LRBA: variants seen among roughly 807,000 people sequenced by gnomAD.
LRBA encodes LPS responsive beige-like anchor protein.
A neutral mutation model predicts 330.0 loss-of-function variants in LRBA; 176 were observed. The observed-to-expected ratio is 0.53, with a 90% CI of 0.47 to 0.60. LRBA has a LOEUF of 0.60. Ranked by LOEUF, LRBA falls within the 20% of genes least tolerant of loss-of-function variation. LRBA has a pLI of 0.00. For missense variants in LRBA, 3,259 were observed against 3,444.8 expected, an observed-to-expected ratio of 0.95 and a Z score of 1.35; for synonymous variants, 1,230 against 1,193.0, an observed-to-expected ratio of 1.03 and a Z score of -0.64.
At chr4:150,832,947 T>G (rs1362835630) in intron 28 of LRBA, among the ~76,000 whole-genome samples, 1 of 152,038 alleles carries the variant, frequency 6.6e-6, no homozygotes, top group Non-Finnish European at 1.5e-5. Flanking sequence ...TTTTTGTTTT[T>G]TAATTTCTTG....
chr4:150,713,323 A>G (rs1020681347), intron 36 of LRBA, among the ~76,000 whole-genome samples: 1 of 152,208 alleles, frequency 6.6e-6, no homozygotes, highest in Non-Finnish European at 1.5e-5. Context: ...TCAGTTCATC[A>G]GCCATTGTCA....
chr4:150,347,386 CT>C (rs2127042105), intron 48 of LRBA, among the ~76,000 whole-genome samples: 1 of 152,300 alleles, frequency 6.6e-6, no homozygotes, highest in Non-Finnish European at 1.5e-5. Flanking sequence ...TGGCTCAGGT[CT>C]GTAATCCCAG....
chr4:150,558,851 A>C (rs1271058454), intron 40 of LRBA, among the ~76,000 whole-genome samples: 1 of 152,190 alleles, frequency 6.6e-6, no homozygotes, highest in Non-Finnish European at 1.5e-5. Context: ...CACATGATTT[A>C]TTCTAGCCTT....
In LRBA at chr4:150,390,250, G is replaced by C. The variant is rs115088117; in HGVS notation, c.7194+25188C>G. Among the ~76,000 whole-genome samples, 1,004 of 152,224 alleles carry C rather than the reference G, an allele frequency of 6.6e-3. 13 individuals carry two copies. The highest frequency in any genetic ancestry group is 0.023 in the African/African-American group (938 of 41,536). ...TCTTCTTGAAAAGTACAGAACCAGA[G>C]AATACACTTTTCCAGCCTAAGCCAT... is the stretch of plus-strand genomic sequence containing the variant. On this transcript the variant is annotated intron_variant, in intron 47 of 56. Transcript: ENST00000651943.
rs1342847319 is a variant in LRBA at position 150,957,768 on chromosome 4, G to A, written c.217-28703C>T. Among the ~76,000 whole-genome samples, 4 of 149,120 alleles carry A rather than the reference G, an allele frequency of 2.7e-5. 1 individual carries two copies. Among genetic ancestry groups the A allele is most frequent in the African/African-American group, 1.0e-4 (4 of 38,554 alleles). On this transcript the variant is annotated intron_variant, in intron 2 of 56. Transcript: ENST00000651943. ...GGGTAAATACACTCATTCCAAATAGGAGAAATTGGCCAAAACAAAGGGGCT... is the reference window on the plus strand; with the variant it reads ...GGGTAAATACACTCATTCCAAATAGAAGAAATTGGCCAAAACAAAGGGGCT...
At chr4:150,468,296 C>A (rs567704848) in intron 43 of LRBA, among the ~76,000 whole-genome samples, 1 of 152,090 alleles carries the variant, frequency 6.6e-6, no homozygotes, top group African/African-American at 2.4e-5. Flanking sequence ...GAGGGCATTG[C>A]ACTAAATAAT....
chr4:150,647,352 C>CT (rs769403201), intron 37 of LRBA, among the ~76,000 whole-genome samples: 10,696 of 79,766 alleles, frequency 0.13, 1,511 homozygotes, highest in Middle Eastern at 0.19. Flanking sequence ...ATTACTTTTT[C>CT]TTTTTTTTTT....
At chr4:150,562,724 T>C (rs554857862) in intron 40 of LRBA, among the ~76,000 whole-genome samples, 2 of 152,316 alleles carry the variant, frequency 1.3e-5, no homozygotes, top group South Asian at 2.1e-4. Flanking sequence ...GTAGAAACAT[T>C]ACACTGAGAG....
chr4:150,412,919 A>T (rs951924679), intron 47 of LRBA, among the ~76,000 whole-genome samples: 2 of 151,738 alleles, frequency 1.3e-5, no homozygotes, highest in East Asian at 3.9e-4. Flanking sequence ...ACACCATTAA[A>T]AAATAAAAAA....
rs974400531 is a variant in LRBA at position 150,583,094 on chromosome 4, C to A, written c.6330+4954G>T. The A allele has an allele frequency of 1.6e-5, 26 of 1,614,044 alleles. No individual in the cohort carries two copies. The highest frequency in any genetic ancestry group is 2.2e-5 in the Non-Finnish European group (26 of 1,179,946). ...AAGTACTACACTGAGCGCTGTCAGG[C>A]GCGCAAGGCGGCCATCGCCAAAACC... On this transcript the variant is annotated intron_variant, in intron 40 of 56. Transcript: ENST00000651943. This position sits in a 1 kb window ranked among gnomAD's most constrained non-coding sequence, Gnocchi z 9.8.
At chr4:150,815,614 G>A (rs1003715626) in intron 31 of LRBA, among the ~76,000 whole-genome samples, 3 of 151,758 alleles carry the variant, frequency 2.0e-5, no homozygotes, top group Admixed American at 6.6e-5. Context: ...TGCTACCATC[G>A]CAGCTTTTGG....
chr4:150,777,070 T>G (rs1737463452), intron 34 of LRBA, among the ~76,000 whole-genome samples: 1 of 130,482 alleles, frequency 7.7e-6, no homozygotes, highest in African/African-American at 4.1e-5. Context: ...AGGGGTTTTG[T>G]TGTTGTTGTT....
In LRBA at chr4:150,410,538, A is replaced by G. The variant is rs570860655; in HGVS notation, c.7194+4900T>C. On this transcript the variant is annotated intron_variant, in intron 47 of 56. Coordinates refer to ENST00000651943, the MANE Select transcript of LRBA (RefSeq NM_001364905.1). ...AAGCTATAGAACATACACAAAAGTA[A>G]ATGTGATTTTAACTGGTAACCTTAG... 2.6e-5 allele frequency among the ~76,000 whole-genome samples: 4 copies of G among 152,220 alleles called. No individual in the cohort carries two copies. In the South Asian group the frequency reaches 8.3e-4, roughly 32 times the overall value.
intron 40 of LRBA, among the ~76,000 whole-genome samples, chr4:150,553,253 TG>T (rs1268820767): frequency 1.3e-5 from 2 of 151,146 alleles, no homozygotes; most frequent in Non-Finnish European, 2.9e-5. Flanking sequence ...CACTCATAGG[TG>T]GGAATTGAAC....
intron 46 of LRBA, chr4:150,423,279 GGT>G: frequency 1.1e-6 from 1 of 889,074 alleles, no homozygotes. Flanking sequence ...CTCCTGTAGG[GGT>G]GTCTCCCTTC....
At chr4:150,637,376 G>T (rs550651823) in intron 37 of LRBA, among the ~76,000 whole-genome samples, 1 of 152,212 alleles carries the variant, frequency 6.6e-6, no homozygotes, top group African/African-American at 2.4e-5. Context: ...ACTGAATTTT[G>T]TTGTGCTTTT....
At chr4:150,502,808 G>T (rs1760460472) in intron 40 of LRBA, among the ~76,000 whole-genome samples, 1 of 152,226 alleles carries the variant, frequency 6.6e-6, no homozygotes, top group Non-Finnish European at 1.5e-5. Flanking sequence ...CCTAGTCAAA[G>T]AAAGGGGTGA....
At chr4:150,932,172 A>C (rs1230695991) in intron 2 of LRBA, among the ~76,000 whole-genome samples, 1 of 152,172 alleles carries the variant, frequency 6.6e-6, no homozygotes, top group African/African-American at 2.4e-5. Flanking sequence ...AAGAGTTTTT[A>C]AGATTTCTGG....
intron 34 of LRBA, among the ~76,000 whole-genome samples, chr4:150,765,143 T>C (rs1343660801): frequency 2.0e-5 from 3 of 151,234 alleles, no homozygotes; most frequent in Non-Finnish European, 2.9e-5. Flanking sequence ...TAAAAGTATA[T>C]TACTAAGAGA....
Sources: allele counts gnomAD v4.1 joint callset (sites outside exome capture counted in the v4.1 genomes callset), GRCh38; gene constraint gnomAD v4.1.1; non-coding constraint Gnocchi (gnomAD v3.1); transcripts MANE v1.5; gene names NCBI Gene and HGNC (gene_info 2026-07-23, HGNC 2026-07-21).